The following CA7 variants were observed in gnomAD, a reference collection of about 807,000 sequenced individuals.
CA7 encodes carbonic anhydrase 7.
CA7 carries 13 observed loss-of-function variants against 31.4 expected under a neutral mutation model. That is an observed-to-expected ratio of 0.41 (90% CI 0.27 to 0.66). The LOEUF (loss-of-function observed/expected upper bound fraction) is 0.66. CA7 is among the 30% of genes least tolerant of loss of function. The pLI, the probability that CA7 is intolerant of heterozygous loss-of-function variation, is 0.28. For synonymous variants in CA7, 128 were observed against 133.2 expected (o/e 0.96, Z 0.27); for missense variants, 215 against 351.0 (o/e 0.61, Z 3.10).
chr16:66,847,119 C>A lies in CA7; in HGVS notation c.130C>A (p.Pro44Thr). The change falls in exon 2 of 7, where the codon CCC becomes ACC. Residue 44 changes from proline (P) to threonine (T), a missense_variant. Coordinates refer to ENST00000338437, the MANE Select transcript of CA7 (RefSeq NM_005182.3). The part of the protein sequence containing the change: ...NIISSQAVYS[P>T]SLQPLELSYE... Reference sequence around the variant, plus strand: ...CATCTCCAGCCAGGCTGTGTACTCTCCCAGCCTGCAACCACTGGAGCTTTC... The same window carrying A: ...CATCTCCAGCCAGGCTGTGTACTCTACCAGCCTGCAACCACTGGAGCTTTC... The A allele has an allele frequency of 6.2e-7, 1 of 1,614,190 alleles. No homozygotes were observed. Among genetic ancestry groups the A allele is most frequent in the Non-Finnish European group, 8.5e-7 (1 of 1,180,004 alleles).
At chr16:66,844,664 C>G in intron 1 of CA7, 137 bp downstream of exon 1, 1 of 712,748 alleles carries the variant, frequency 1.4e-6, no homozygotes, top group Non-Finnish European at 2.2e-6. Flanking sequence ...TCTTCCCATC[C>G]CGGCCCCCGA....
At chr16:66,852,676 C>G (rs1258682560) in intron 5 of CA7, 36 bp from the exon 6 acceptor site, 2 of 1,580,304 alleles carry the variant, frequency 1.3e-6, no homozygotes, top group African/African-American at 2.7e-5. Flanking sequence ...AGTGGGAGGT[C>G]TATGCTGATT....
chr16:66,844,542 C>A lies in CA7; in HGVS notation c.40+15C>A, dbSNP rs1960883649. 6 of 1,538,026 alleles carry A rather than the reference C, an allele frequency of 3.9e-6. No individual in the cohort carries two copies. Among genetic ancestry groups the A allele is most frequent in the Non-Finnish European group, 4.4e-6 (5 of 1,141,046 alleles). On this transcript the variant is annotated intron_variant, in intron 1 of 6. Coordinates refer to ENST00000338437, the MANE Select transcript of CA7 (RefSeq NM_005182.3). The stretch of plus-strand genomic sequence containing the variant: ...CCAGGACGACGGTAGGCACAGACCT[C>A]CCCCACCGCCTCTGGCTCGGACCCC...
At chr16:66,845,314 G>T in intron 1 of CA7, 1 of 834,538 alleles carries the variant, frequency 1.2e-6, no homozygotes, top group Non-Finnish European at 1.4e-6. Flanking sequence ...AGGGGTGGGG[G>T]TGTGGGGTAA....
chr16:66,844,635 C>A, intron 1 of CA7, 108 bp downstream of exon 1: 2 of 955,074 alleles, frequency 2.1e-6, no homozygotes, highest in East Asian at 3.2e-5. Context: ...CTCCCACACT[C>A]CAGGCTGGGC....
At chr16:66,848,936 A>T (rs1392488830) in intron 2 of CA7, among the ~76,000 whole-genome samples, 1 of 151,852 alleles carries the variant, frequency 6.6e-6, no homozygotes, top group African/African-American at 2.4e-5. Flanking sequence ...CTACTCCCAG[A>T]CTCCTAGCCA....
At chr16:66,851,769 A>T (rs1961061638) in intron 5 of CA7, 43 bp downstream of exon 5, 1 of 1,566,626 alleles carries the variant, frequency 6.4e-7, no homozygotes, top group African/African-American at 1.4e-5. Context: ...ATGGGGAGAG[A>T]GGAAGAGGCT....
At chr16:66,849,620 G>C (rs1011261357) in intron 2 of CA7, among the ~76,000 whole-genome samples, 2 of 152,210 alleles carry the variant, frequency 1.3e-5, no homozygotes, top group Non-Finnish European at 2.9e-5. Flanking sequence ...TTTCAGACAT[G>C]GTAGGCCTAA....
At chr16:66,849,458 G>T in intron 2 of CA7, among the ~76,000 whole-genome samples, 1 of 152,222 alleles carries the variant, frequency 6.6e-6, no homozygotes, top group East Asian at 1.9e-4. Flanking sequence ...CCCTAGTTCA[G>T]TGCCTTGCTG....
chr16:66,851,885 G>A (rs984954489), intron 5 of CA7, among the ~76,000 whole-genome samples, 159 bp downstream of exon 5: 6 of 152,104 alleles, frequency 3.9e-5, no homozygotes, highest in African/African-American at 1.4e-4. Context: ...ATTCCTCATC[G>A]GGGTCAGCAG....
At position 66,853,409 on chromosome 16, in the gene CA7, G is replaced by C; in HGVS notation, c.706G>C (p.Glu236Gln). 6.2e-7 allele frequency: 1 copy of C among 1,614,114 alleles called. No homozygotes were observed. The change falls in exon 7 of 7, where the codon GAG (glutamate) becomes CAG (glutamine). Residue 236 changes from glutamate to glutamine, a missense_variant. Glu to Gln is a conservative substitution (Grantham distance 29). Coordinates refer to ENST00000338437, the MANE Select transcript of CA7 (RefSeq NM_005182.3). This position sits in a 1 kb window ranked among gnomAD's most constrained non-coding sequence, Gnocchi z 4.5. ...GKFRSLLFTS[E>Q]DDERIHMVNN... Reference sequence around the variant, plus strand: ...GTTCCGGAGCCTGCTTTTTACCTCGGAGGACGATGAGAGGATCCACATGGT... The same window carrying C: ...GTTCCGGAGCCTGCTTTTTACCTCGCAGGACGATGAGAGGATCCACATGGT...
At chr16:66,849,707 CTAGA>C (rs1960999042) in intron 2 of CA7, among the ~76,000 whole-genome samples, 1 of 152,128 alleles carries the variant, frequency 6.6e-6, no homozygotes, top group Admixed American at 6.5e-5. Flanking sequence ...GGGAGGACAG[CTAGA>C]TAGAGAGCTG....
rs368313812 is a variant in CA7, at chr16:66,851,719, G to A, written c.509G>A (p.Arg170Gln). Residue 170 changes from arginine to glutamine, a missense_variant, in exon 5 of 7, where the codon CGG (arginine) becomes CAG (glutamine). Arg to Gln is a conservative substitution (Grantham distance 43). Transcript: ENST00000338437. ...NRLTDALYMV[R>Q]FKGTKAQFSC... Reference sequence around the variant, plus strand: ...CTGACAGATGCGCTCTACATGGTCCGGTTCAAGGTAAAGTCCCTGCCCCTG... The same window carrying A: ...CTGACAGATGCGCTCTACATGGTCCAGTTCAAGGTAAAGTCCCTGCCCCTG... The A allele has an allele frequency of 2.5e-6, 4 of 1,613,630 alleles. No individual in the cohort carries two copies. Among genetic ancestry groups the A allele is most frequent in the Admixed American group, 1.7e-5 (1 of 59,918 alleles).
chr16:66,850,056 G>A (rs1961006598), intron 2 of CA7, among the ~76,000 whole-genome samples: 1 of 148,354 alleles, frequency 6.7e-6, no homozygotes, highest in Admixed American at 6.8e-5. Flanking sequence ...GGAGGTAGAG[G>A]TTGCAGTGAG....
chr16:66,850,615 G>T lies in CA7; in HGVS notation c.313G>T (p.Val105Leu). The change falls in exon 3 of 7, where the codon GTG (valine) becomes TTG (leucine). Residue 105 changes from valine (V) to leucine (L), a missense_variant. Coordinates refer to ENST00000338437, the MANE Select transcript of CA7 (RefSeq NM_005182.3). ...FHFHWGKKHDVGSEHTVDGKS... is the reference protein window; with the variant it reads ...FHFHWGKKHDLGSEHTVDGKS... ...CTTCCACTGGGGCAAGAAGCACGAT[G>T]TGGGTTCTGAGCACACGGTGGACGG... 6.2e-7 allele frequency: 1 copy of T among 1,614,130 alleles called. No homozygotes were observed. Among genetic ancestry groups the T allele is most frequent in the Non-Finnish European group, 8.5e-7 (1 of 1,179,962 alleles).
At chr16:66,847,409 C>T (rs1285890912) in intron 2 of CA7, among the ~76,000 whole-genome samples, 182 bp downstream of exon 2, 2 of 152,190 alleles carry the variant, frequency 1.3e-5, no homozygotes, top group Non-Finnish European at 2.9e-5. Flanking sequence ...TAAGACCTAC[C>T]CTCTTAGGTC....
At position 66,850,611 on chromosome 16, in the gene CA7, C is replaced by T; in HGVS notation, c.309C>T (p.His103=). The T allele has an allele frequency of 1.9e-6, 3 of 1,614,084 alleles. No individual in the cohort carries two copies. The highest frequency in any genetic ancestry group is 1.1e-5 in the South Asian group (1 of 91,076). The change falls in exon 3 of 7, where the codon CAC becomes CAT. Residue 103 remains histidine, a synonymous_variant. Transcript: ENST00000338437. ...KQFHFHWGKK[H]DVGSEHTVDG... is the part of the protein sequence containing the mutation. The stretch of plus-strand genomic sequence containing the variant: ...TTCACTTCCACTGGGGCAAGAAGCA[C>T]GATGTGGGTTCTGAGCACACGGTGG...
In CA7 at chr16:66,845,812, C is replaced by T. The variant is rs180747299; in HGVS notation, c.41-1218C>T. On this transcript the variant is annotated intron_variant, in intron 1 of 6. Transcript: ENST00000338437. Reference sequence around the variant, plus strand: ...CACCCAGTGTCCTGTGTAGCCTGCTCCATGGGCCTGCTCCCCCAAAGCAGC... The same window carrying T: ...CACCCAGTGTCCTGTGTAGCCTGCTTCATGGGCCTGCTCCCCCAAAGCAGC... Among the ~76,000 whole-genome samples, 293 of 152,304 alleles carry T rather than the reference C, an allele frequency of 1.9e-3. 3 individuals carry two copies. Among genetic ancestry groups the T allele is most frequent in the Non-Finnish European group, 3.0e-3 (202 of 68,032 alleles).
chr16:66,851,636 T>C (rs758163789), intron 4 of CA7, 28 bp from the exon 5 acceptor site: 38 of 1,613,928 alleles, frequency 2.4e-5, no homozygotes, highest in Non-Finnish European at 3.0e-5. Context: ...CAGTGGGCTC[T>C]GGGCTCACAC....
Sources: allele counts gnomAD v4.1 joint callset (sites outside exome capture counted in the v4.1 genomes callset), GRCh38; gene constraint gnomAD v4.1.1; non-coding constraint Gnocchi (gnomAD v3.1); transcripts MANE v1.5; gene names NCBI Gene and HGNC (gene_info 2026-07-23, HGNC 2026-07-21).